C10orf71: variants seen among roughly 807,000 people sequenced by gnomAD.
C10orf71 encodes cardiac-enriched FHL2-interacting protein.
For synonymous variants in C10orf71, 758 were observed against 726.3 expected (o/e 1.04, Z -0.70); for missense variants, 1,869 against 1,804.5 (o/e 1.04, Z -0.65).
Position 49,326,497 on chromosome 10 carries a change from G to T in C10orf71, c.3952G>T (p.Ala1318Ser), listed in dbSNP as rs369631595. ...GGTCTCCATCCCGTCCTCCGAGGGGGCCTCCCCAGAGCCGCCCCCACCGGA... is the reference window on the plus strand; with the variant it reads ...GGTCTCCATCCCGTCCTCCGAGGGGTCCTCCCCAGAGCCGCCCCCACCGGA... Reference protein sequence around the residue: ...VKVSIPSSEGASPEPPPPDAL... With the variant: ...VKVSIPSSEGSSPEPPPPDAL... The change falls in exon 3 of 3, where the codon GCC becomes TCC. Residue 1318 changes from alanine (A) to serine (S), a missense_variant. Physicochemically the swap from Ala to Ser is moderately conservative, Grantham distance 99. Transcript: ENST00000374144. 6.4e-6 allele frequency: 10 copies of T among 1,550,472 alleles called. No individual in the cohort carries two copies. Among genetic ancestry groups the T allele is most frequent in the South Asian group, 2.4e-5 (2 of 84,030 alleles).
chr10:49,301,421 A>G (rs1376206251), intron 1 of C10orf71, among the ~76,000 whole-genome samples: 1 of 152,192 alleles, frequency 6.6e-6, no homozygotes, highest in Non-Finnish European at 1.5e-5. Context: ...CTTGGTTTCC[A>G]AGGGTTGCAT....
Position 49,323,527 on chromosome 10 carries a change from C to G in C10orf71, c.982C>G (p.Gln328Glu), listed in dbSNP as rs775954245. 2 of 1,610,920 alleles carry G rather than the reference C, an allele frequency of 1.2e-6. No individual in the cohort carries two copies. Among genetic ancestry groups the G allele is most frequent in the African/African-American group, 1.3e-5 (1 of 74,938 alleles). The stretch of plus-strand genomic sequence containing the variant: ...GCGCACAGTCTCTCCCTGCCAGGTC[C>G]AGGCCAGCTGCAGTCAGGAAGAGAA... ...PERTVSPCQV[Q>E]ASCSQEENRL... Residue 328 changes from glutamine (Q) to glutamate (E), a missense_variant, in exon 3 of 3, where the codon CAG (glutamine) becomes GAG (glutamate). Transcript: ENST00000374144.
At chr10:49,310,592 C>G (rs1005173473) in intron 1 of C10orf71, among the ~76,000 whole-genome samples, 1 of 152,184 alleles carries the variant, frequency 6.6e-6, no homozygotes, top group Non-Finnish European at 1.5e-5. Context: ...ACTCAACCTG[C>G]CTCAGAGGAG....
chr10:49,321,882 C>T (rs1028347861), intron 2 of C10orf71, among the ~76,000 whole-genome samples: 2 of 152,144 alleles, frequency 1.3e-5, no homozygotes, highest in African/African-American at 2.4e-5. Flanking sequence ...TTTCTCTACC[C>T]ATTTTTAAAT....
Position 49,324,936 on chromosome 10 carries a change from G to T in C10orf71, c.2391G>T (p.Gly797=). 1 of 1,550,896 alleles carries T rather than the reference G, an allele frequency of 6.4e-7. No homozygotes were observed. The highest frequency in any genetic ancestry group is 1.2e-5 in the South Asian group (1 of 84,004). The change falls in exon 3 of 3, where the codon GGG becomes GGT. Residue 797 remains glycine (G), a synonymous_variant. Coordinates refer to ENST00000374144, the MANE Select transcript of C10orf71 (RefSeq NM_001135196.2). ...GHACLENRSQ[G]EALQRERESV... is the part of the protein sequence containing the mutation. ...CATGCCTGGAAAACCGCAGCCAGGG[G>T]GAAGCATTGCAAAGAGAAAGGGAAA... is the stretch of plus-strand genomic sequence containing the variant.
intron 2 of C10orf71, among the ~76,000 whole-genome samples, chr10:49,319,552 G>A (rs895372434): frequency 1.3e-5 from 2 of 151,846 alleles, no homozygotes; most frequent in East Asian, 3.9e-4. Context: ...GGGTCTTTGA[G>A]AGATATTTGC....
intron 1 of C10orf71, among the ~76,000 whole-genome samples, chr10:49,314,736 A>G (rs1434810132): frequency 6.6e-6 from 1 of 152,210 alleles, no homozygotes; most frequent in African/African-American, 2.4e-5. Flanking sequence ...CTTATTATTT[A>G]GAGATGCAAA....
intron 1 of C10orf71, among the ~76,000 whole-genome samples, chr10:49,304,945 C>G (rs1354498779): frequency 1.3e-5 from 2 of 152,348 alleles, no homozygotes; most frequent in South Asian, 4.1e-4. Flanking sequence ...GTCTGCCTTT[C>G]CATTTGCCCC....
intron 1 of C10orf71, among the ~76,000 whole-genome samples, chr10:49,303,795 A>G (rs937229483): frequency 2.0e-5 from 3 of 152,226 alleles, no homozygotes; most frequent in African/African-American, 7.2e-5. Flanking sequence ...GAGGAATTCC[A>G]TGAAGCAGTT....
Position 49,327,194 on chromosome 10 carries a change from A to T in C10orf71, c.*341A>T. The stretch of plus-strand genomic sequence containing the variant: ...CTGCTCTTCCCTCGCCCTGCAAATT[A>T]GGTGGGTGTGGCAAGGGCACCGCCT... On this transcript the variant is annotated 3_prime_UTR_variant, in exon 3 of 3. Transcript: ENST00000374144. 3.5e-6 allele frequency: 2 copies of T among 570,976 alleles called. No individual in the cohort carries two copies. The highest frequency in any genetic ancestry group is 5.6e-6 in the Non-Finnish European group (2 of 358,610). 35.4% of individuals were successfully genotyped at this position (570,976 alleles called of 1,614,324 possible).
At chr10:49,309,117 A>T (rs916163305) in intron 1 of C10orf71, among the ~76,000 whole-genome samples, 1 of 152,156 alleles carries the variant, frequency 6.6e-6, no homozygotes, top group Non-Finnish European at 1.5e-5. Flanking sequence ...CTTCACAGAC[A>T]CTCAACACGT....
chr10:49,299,676 A>G (rs1848691839), intron 1 of C10orf71, among the ~76,000 whole-genome samples: 1 of 152,152 alleles, frequency 6.6e-6, no homozygotes, highest in Non-Finnish European at 1.5e-5. Flanking sequence ...AACCGTGTAC[A>G]TGTGTGACTT....
intron 1 of C10orf71, among the ~76,000 whole-genome samples, chr10:49,306,109 C>T (rs1258987418): frequency 2.0e-5 from 3 of 152,230 alleles, no homozygotes; most frequent in African/African-American, 4.8e-5. Context: ...CGCTCCCTGT[C>T]GACCTGGCAG....
At chr10:49,303,728 C>CT (rs1848766177) in intron 1 of C10orf71, among the ~76,000 whole-genome samples, 1 of 152,210 alleles carries the variant, frequency 6.6e-6, no homozygotes, top group Non-Finnish European at 1.5e-5. Flanking sequence ...CATCTTTCAG[C>CT]TTTAAATTTG....
chr10:49,317,444 T>G (rs983957365), intron 2 of C10orf71, among the ~76,000 whole-genome samples: 5 of 152,342 alleles, frequency 3.3e-5, no homozygotes, highest in African/African-American at 1.2e-4. Flanking sequence ...ATCGTAACTC[T>G]CATTACCTCA....
Position 49,325,647 on chromosome 10 carries a change from CTT to C in C10orf71, c.3106_3107del (p.Leu1036ValfsTer16), listed in dbSNP as rs1564692951. 1 of 1,552,132 alleles carries C rather than the reference CTT, an allele frequency of 6.4e-7. No individual in the cohort carries two copies. The highest frequency in any genetic ancestry group is 8.7e-7 in the Non-Finnish European group (1 of 1,147,094). Reference protein sequence around the residue: ...EEQTPGFKSHFLSTPRAGPPG... With the variant: ...EEQTPGFKSHXLSTPRAGPPG... ...AGCAAACACCAGGTTTCAAGAGTCA[CTT>C]TTTGTCCACACCCAGAGCAGGGCCC... is the stretch of plus-strand genomic sequence containing the variant. On this transcript the variant is annotated frameshift_variant, in exon 3 of 3. Transcript: ENST00000374144. LOFTEE classifies it low-confidence loss of function (END_TRUNC).
chr10:49,324,437 G>A lies in C10orf71; in HGVS notation c.1892G>A (p.Ser631Asn), dbSNP rs1402466723. Reference sequence around the variant, plus strand: ...TTGGAGATGGGTCCTGCCGGATCCAGCTGGTGTCCAGACTCCAGGGAACAC... The same window carrying A: ...TTGGAGATGGGTCCTGCCGGATCCAACTGGTGTCCAGACTCCAGGGAACAC... Reference protein sequence around the residue: ...GELEMGPAGSSWCPDSREHRP... With the variant: ...GELEMGPAGSNWCPDSREHRP... The change falls in exon 3 of 3, where the codon AGC becomes AAC. Residue 631 changes from serine to asparagine, a missense_variant. Coordinates refer to ENST00000374144, the MANE Select transcript of C10orf71 (RefSeq NM_001135196.2). 1 of 1,609,156 alleles carries A rather than the reference G, an allele frequency of 6.2e-7. No individual in the cohort carries two copies. Among genetic ancestry groups the A allele is most frequent in the South Asian group, 1.1e-5 (1 of 90,320 alleles).
Position 49,323,364 on chromosome 10 carries a change from A to C in C10orf71, c.819A>C (p.Glu273Asp). ...GCAAAGGTACCTTTCTGCACAGTGA[A>C]AATAGTGCTTTTGAGTCATGGAATG... Reference protein sequence around the residue: ...GRGKGTFLHSENSAFESWNAH... With the variant: ...GRGKGTFLHSDNSAFESWNAH... Residue 273 changes from glutamate (E) to aspartate (D), a missense_variant, in exon 3 of 3, where the codon GAA becomes GAC. Glu to Asp is a conservative substitution (Grantham distance 45, BLOSUM62 2). Coordinates refer to ENST00000374144, the MANE Select transcript of C10orf71 (RefSeq NM_001135196.2). 6.2e-7 allele frequency: 1 copy of C among 1,613,948 alleles called. No individual in the cohort carries two copies. Among genetic ancestry groups the C allele is most frequent in the Non-Finnish European group, 8.5e-7 (1 of 1,179,860 alleles).
Position 49,324,010 on chromosome 10 carries a change from C to G in C10orf71, c.1465C>G (p.Arg489Gly). ...GAAGGAGCCCAGTGAATGTCAGTCT[C>G]GAGACAGCTACAAGTCCAAAGCCCC... is the stretch of plus-strand genomic sequence containing the variant. ...QEKEPSECQS[R>G]DSYKSKAPSL... The change falls in exon 3 of 3, where the codon CGA (arginine) becomes GGA (glycine). Residue 489 changes from arginine to glycine, a missense_variant. Physicochemically the swap from Arg to Gly is moderately radical, Grantham distance 125. Transcript: ENST00000374144. The G allele has an allele frequency of 6.2e-7, 1 of 1,613,436 alleles. No individual in the cohort carries two copies. Among genetic ancestry groups the G allele is most frequent in the East Asian group, 2.2e-5 (1 of 44,858 alleles).
Sources: allele counts gnomAD v4.1 joint callset (sites outside exome capture counted in the v4.1 genomes callset), GRCh38; gene constraint gnomAD v4.1.1; transcripts MANE v1.5; gene names NCBI Gene and HGNC (gene_info 2026-07-23, HGNC 2026-07-21).